Variants in DLC1 observed in about 807,000 individuals in gnomAD.
The protein encoded by DLC1 is DLC1 Rho GTPase activating protein.
A neutral mutation model predicts 140.3 loss-of-function variants in DLC1; 54 were observed. The observed-to-expected ratio is 0.38, with a 90% CI of 0.31 to 0.48. The LOEUF (loss-of-function observed/expected upper bound fraction) is 0.48. DLC1 is among the 20% of genes least tolerant of loss of function. The pLI is 0.96. For synonymous variants in DLC1, 986 were observed against 728.1 expected (o/e 1.35, Z -5.70); for missense variants, 2,536 against 1,907.0 (o/e 1.33, Z -6.14).
At chr8:13,153,729 A>G (rs1258793333) in intron 5 of DLC1, among the ~76,000 whole-genome samples, 1 of 152,062 alleles carries the variant, frequency 6.6e-6, no homozygotes, top group Non-Finnish European at 1.5e-5. Flanking sequence ...TTAGCTAGAC[A>G]CAAGGCACTG....
intron 1 of DLC1, among the ~76,000 whole-genome samples, chr8:13,513,781 G>A (rs1185892484): frequency 6.6e-6 from 1 of 152,068 alleles, no homozygotes; most frequent in African/African-American, 2.4e-5. Flanking sequence ...GTAATTTTAC[G>A]ATTACATAAG....
At chr8:13,119,119 C>G (rs1047984168) in intron 5 of DLC1, among the ~76,000 whole-genome samples, 2 of 151,102 alleles carry the variant, frequency 1.3e-5, no homozygotes, top group Non-Finnish European at 2.9e-5. Context: ...GTCTCAGCTA[C>G]TTGAGGGGCT....
chr8:13,553,889 C>G (rs1803952200), intron 1 of DLC1, among the ~76,000 whole-genome samples: 1 of 152,098 alleles, frequency 6.6e-6, no homozygotes, highest in Admixed American at 6.6e-5. Flanking sequence ...ACACTTCCTT[C>G]TCCTCAAAAT....
intron 4 of DLC1, among the ~76,000 whole-genome samples, chr8:13,361,930 C>G (rs1309302756): frequency 2.6e-5 from 4 of 152,184 alleles, no homozygotes; most frequent in Non-Finnish European, 5.9e-5. Context: ...CAAGCTGAGA[C>G]AGATTTCCCA....
intron 1 of DLC1, chr8:13,604,427 G>C (rs1206975515): frequency 6.6e-6 from 1 of 152,096 alleles, no homozygotes; most frequent in Non-Finnish European, 1.5e-5. Flanking sequence ...AATAAAATAT[G>C]TGACAATATT....
chr8:13,122,470 G>T (rs77674049), intron 5 of DLC1, among the ~76,000 whole-genome samples: 16,463 of 151,926 alleles, frequency 0.11, 1,125 homozygotes, highest in African/African-American at 0.19. Flanking sequence ...GAATTACAGA[G>T]AGGTTGGTGT....
At chr8:13,560,960 G>A (rs1804221839) in intron 1 of DLC1, among the ~76,000 whole-genome samples, 1 of 152,024 alleles carries the variant, frequency 6.6e-6, no homozygotes, top group African/African-American at 2.4e-5. Flanking sequence ...AAAGGTCACT[G>A]AGATTATATA....
chr8:13,103,228 G>A (rs904422089), intron 7 of DLC1, among the ~76,000 whole-genome samples: 6 of 151,812 alleles, frequency 4.0e-5, no homozygotes, highest in South Asian at 2.1e-4. Context: ...GGAGAATGGC[G>A]TGAACCCGGG....
At chr8:13,142,318 A>G (rs1169158580) in intron 5 of DLC1, among the ~76,000 whole-genome samples, 1 of 152,256 alleles carries the variant, frequency 6.6e-6, no homozygotes, top group Admixed American at 6.5e-5. Context: ...ATTTATCAGT[A>G]GAGAAAGGAT....
chr8:13,143,538 C>G (rs1823176705), intron 5 of DLC1, among the ~76,000 whole-genome samples: 1 of 152,026 alleles, frequency 6.6e-6, no homozygotes, highest in Non-Finnish European at 1.5e-5. Flanking sequence ...TCACTGCAGC[C>G]TTGTACTCCT....
intron 5 of DLC1, among the ~76,000 whole-genome samples, chr8:13,185,283 G>T (rs10108242): frequency 1.5e-5 from 2 of 130,772 alleles, no homozygotes; most frequent in African/African-American, 2.9e-5. Context: ...TGTCTTTTCT[G>T]TTTTTTTTGT....
intron 3 of DLC1, among the ~76,000 whole-genome samples, chr8:13,398,605 C>CAAAA (rs55898759): frequency 0.12 from 13,513 of 112,526 alleles, 974 homozygotes; most frequent in Non-Finnish European, 0.18. Context: ...CCATCTCTAC[C>CAAAA]AAAAAAAAAA....
chr8:13,367,007 C>T (rs759663665), intron 4 of DLC1, among the ~76,000 whole-genome samples: 13 of 152,148 alleles, frequency 8.5e-5, no homozygotes, highest in African/African-American at 2.4e-4. Context: ...CTCCCAACCA[C>T]GAACTTTGCC....
chr8:13,095,064 G>C, intron 11 of DLC1, 22 bp downstream of exon 11: 1 of 1,613,948 alleles, frequency 6.2e-7, no homozygotes, highest in Non-Finnish European at 8.5e-7. Context: ...TGAGTACGTG[G>C]ACCCGCAGGC....
In DLC1 at chr8:13,111,749, C is replaced by G. The variant is rs11997163; in HGVS notation, c.1421-926G>C. On this transcript the variant is annotated intron_variant, in intron 6 of 17. Transcript: ENST00000276297. ...GGGCCTCCTCAGTAGAGTGCTACTACAATACCAGGAAGAGGAGTGTCTCGG... is the reference window on the plus strand; with the variant it reads ...GGGCCTCCTCAGTAGAGTGCTACTAGAATACCAGGAAGAGGAGTGTCTCGG... Among the ~76,000 whole-genome samples, 1,023 of 152,060 alleles carry G rather than the reference C, an allele frequency of 6.7e-3. 16 individuals carry two copies. Among genetic ancestry groups the G allele is most frequent in the East Asian group, 0.046 (239 of 5,162 alleles).
At chr8:13,361,563 G>A (rs1008849551) in intron 4 of DLC1, among the ~76,000 whole-genome samples, 2 of 152,082 alleles carry the variant, frequency 1.3e-5, no homozygotes, top group Admixed American at 6.6e-5. Context: ...ACCACGCCCT[G>A]CTCCAGTGTA....
chr8:13,241,963 G>C (rs1025545828), intron 5 of DLC1, among the ~76,000 whole-genome samples: 1 of 152,100 alleles, frequency 6.6e-6, no homozygotes, highest in African/African-American at 2.4e-5. Flanking sequence ...AGCTTTCTTG[G>C]GGGTGGCAGA....
intron 4 of DLC1, among the ~76,000 whole-genome samples, chr8:13,383,729 G>A (rs1836377709): frequency 6.6e-6 from 1 of 152,180 alleles, no homozygotes; most frequent in Non-Finnish European, 1.5e-5. Flanking sequence ...GAAGTCAGGT[G>A]CCACCACATG....
Position 13,100,584 on chromosome 8 carries a change from G to C in DLC1, c.1753C>G (p.Leu585Val). Reference sequence around the variant, plus strand: ...GAAGACACCTCCTGGCGCTCGCTGAGGTCCATCAGCGTGCCTCCGGGGCTG... The same window carrying C: ...GAAGACACCTCCTGGCGCTCGCTGACGTCCATCAGCGTGCCTCCGGGGCTG... ...GPSPGGTLMD[L>V]SERQEVSSVR... The change falls in exon 9 of 18, where the codon CTC becomes GTC. Residue 585 changes from leucine to valine, a missense_variant. By Grantham distance (32) the Leu-to-Val change is conservative (BLOSUM62 1). Coordinates refer to ENST00000276297, the MANE Select transcript of DLC1 (RefSeq NM_182643.3). 1.2e-6 allele frequency: 2 copies of C among 1,613,858 alleles called. No homozygotes were observed. Among genetic ancestry groups the C allele is most frequent in the Non-Finnish European group, 8.5e-7 (1 of 1,179,916 alleles).
Sources: allele counts gnomAD v4.1 joint callset (sites outside exome capture counted in the v4.1 genomes callset), GRCh38; gene constraint gnomAD v4.1.1; transcripts MANE v1.5; gene names NCBI Gene and HGNC (gene_info 2026-07-23, HGNC 2026-07-21).